Variants in ADGRL3 observed in about 807,000 individuals in gnomAD.
The protein encoded by ADGRL3 is adhesion G protein-coupled receptor L3.
Under a neutral mutation model 153.5 loss-of-function variants are expected in ADGRL3, and 62 were observed. That is an observed-to-expected ratio of 0.40 (90% CI 0.33 to 0.50). The LOEUF (loss-of-function observed/expected upper bound fraction) is 0.50. Ranked by LOEUF, ADGRL3 falls within the 20% of genes least tolerant of loss-of-function variation. ADGRL3 has a pLI of 0.47. For missense variants in ADGRL3, 1,641 were observed against 1,859.4 expected (o/e 0.88, Z 2.16); for synonymous variants, 710 against 672.5 (o/e 1.06, Z -0.86).
At chr4:61,945,781 G>A (rs1008902591) in intron 15 of ADGRL3, among the ~76,000 whole-genome samples, 11 of 151,692 alleles carry the variant, frequency 7.3e-5, no homozygotes, top group Non-Finnish European at 1.5e-4. Flanking sequence ...GCAATGCCTC[G>A]CCCTGCTTCG....
chr4:61,593,154 C>T (rs1318552715), intron 5 of ADGRL3, among the ~76,000 whole-genome samples: 1 of 152,172 alleles, frequency 6.6e-6, no homozygotes, highest in Admixed American at 6.5e-5. Flanking sequence ...TAACTTCATC[C>T]TCCCACTTTT....
intron 8 of ADGRL3, among the ~76,000 whole-genome samples, chr4:61,792,325 G>A (rs1375742556): frequency 1.3e-5 from 2 of 152,050 alleles, no homozygotes; most frequent in Non-Finnish European, 2.9e-5. Context: ...CTAAAACATA[G>A]CAAGAGTCAC....
intron 6 of ADGRL3, among the ~76,000 whole-genome samples, chr4:61,727,929 A>C (rs2151755047): frequency 6.6e-6 from 1 of 152,210 alleles, no homozygotes; most frequent in South Asian, 2.1e-4. Context: ...CTGAGTATTT[A>C]TTATGTGGTT....
At chr4:61,678,488 C>T (rs1350716000) in intron 6 of ADGRL3, among the ~76,000 whole-genome samples, 4 of 151,804 alleles carry the variant, frequency 2.6e-5, no homozygotes, top group Non-Finnish European at 5.9e-5. Flanking sequence ...AAATCCTCTG[C>T]CAAACTCATT....
chr4:61,598,890 A>T (rs940551965), intron 5 of ADGRL3, among the ~76,000 whole-genome samples: 9 of 152,278 alleles, frequency 5.9e-5, no homozygotes, highest in African/African-American at 1.9e-4. Context: ...ATTTTATTTT[A>T]CTGATGACAG....
At chr4:61,399,819 A>G (rs1487204154) in intron 2 of ADGRL3, among the ~76,000 whole-genome samples, 1 of 151,720 alleles carries the variant, frequency 6.6e-6, no homozygotes, top group Non-Finnish European at 1.5e-5. Flanking sequence ...GATTTTAGGA[A>G]TGAGAAGGAA....
chr4:61,658,958 T>C (rs1561015473), intron 5 of ADGRL3, among the ~76,000 whole-genome samples: 1 of 152,172 alleles, frequency 6.6e-6, no homozygotes, highest in Non-Finnish European at 1.5e-5. Context: ...CGGCTAGAAG[T>C]GCTAAGGTAT....
At chr4:61,747,702 G>T (rs368918011) in intron 8 of ADGRL3, among the ~76,000 whole-genome samples, 1 of 146,288 alleles carries the variant, frequency 6.8e-6, no homozygotes, top group Non-Finnish European at 1.5e-5. Context: ...TTGATGGGAC[G>T]TATCTCAAAA....
rs964080239 is a variant in ADGRL3 at position 61,230,034 on chromosome 4, G to A, written c.-240+28269G>A. Among the ~76,000 whole-genome samples the A allele has an allele frequency of 1.5e-4, 23 of 152,108 alleles. 1 individual carries two copies. Among genetic ancestry groups the A allele is most frequent in the Admixed American group, 1.3e-3 (20 of 15,260 alleles). ...TTTGTAACCATAAGTACTCAAAAAT[G>A]TCTTAAAGCTGGAATACCATGTATC... is the stretch of plus-strand genomic sequence containing the variant. On this transcript the variant is annotated intron_variant, in intron 1 of 26. Coordinates refer to ENST00000683033, the MANE Select transcript of ADGRL3 (RefSeq NM_001387552.1).
At chr4:61,931,732 G>A (rs550229128) in intron 13 of ADGRL3, among the ~76,000 whole-genome samples, 1 of 152,278 alleles carries the variant, frequency 6.6e-6, no homozygotes, top group East Asian at 1.9e-4. Context: ...CACATTTTGA[G>A]TGTGTTGCTT....
chr4:61,230,709 C>G (rs1461132258), intron 1 of ADGRL3, among the ~76,000 whole-genome samples: 2 of 152,070 alleles, frequency 1.3e-5, no homozygotes, highest in Non-Finnish European at 2.9e-5. Context: ...ACAAAAAATA[C>G]AAATTACTGT....
chr4:61,501,383 G>A (rs1451606563), intron 3 of ADGRL3, among the ~76,000 whole-genome samples: 1 of 152,056 alleles, frequency 6.6e-6, no homozygotes, highest in African/African-American at 2.4e-5. Flanking sequence ...TGGTGCTTTG[G>A]CATTTGATAA....
At chr4:61,796,076 C>A (rs1249645049) in intron 8 of ADGRL3, among the ~76,000 whole-genome samples, 1 of 152,128 alleles carries the variant, frequency 6.6e-6, no homozygotes, top group African/African-American at 2.4e-5. Flanking sequence ...CTCCTGACTT[C>A]CTGATTCACC....
At chr4:61,223,721 T>G (rs1406660371) in intron 1 of ADGRL3, among the ~76,000 whole-genome samples, 3 of 152,238 alleles carry the variant, frequency 2.0e-5, no homozygotes, top group Non-Finnish European at 4.4e-5. Context: ...CTTGTCATTC[T>G]TACATTGGCC....
intron 1 of ADGRL3, among the ~76,000 whole-genome samples, chr4:61,257,589 T>G (rs933523858): frequency 6.6e-6 from 1 of 152,158 alleles, no homozygotes; most frequent in Non-Finnish European, 1.5e-5. Flanking sequence ...AGGAAGACAT[T>G]AAATGTATTT....
intron 4 of ADGRL3, among the ~76,000 whole-genome samples, chr4:61,534,658 T>A (rs1467153585): frequency 6.6e-6 from 1 of 152,148 alleles, no homozygotes; most frequent in East Asian, 1.9e-4. Flanking sequence ...TTAAATTCCT[T>A]CATTAAATGT....
At chr4:61,872,232 A>G (rs2098449833) in intron 9 of ADGRL3, among the ~76,000 whole-genome samples, 1 of 152,180 alleles carries the variant, frequency 6.6e-6, no homozygotes, top group Admixed American at 6.5e-5. Flanking sequence ...AAGTCAGTAA[A>G]GGAAGGGAAA....
chr4:61,244,178 G>A (rs1008240336), intron 1 of ADGRL3, among the ~76,000 whole-genome samples: 1 of 151,964 alleles, frequency 6.6e-6, no homozygotes, highest in African/African-American at 2.4e-5. Context: ...GATTTATGCA[G>A]TAGTAAATAT....
At chr4:61,433,709 C>T (rs895398016) in intron 2 of ADGRL3, among the ~76,000 whole-genome samples, 1 of 152,108 alleles carries the variant, frequency 6.6e-6, no homozygotes, top group African/African-American at 2.4e-5. Context: ...CAAATTTATA[C>T]GTGTGTTGAG....
Sources: gnomAD v4.1 joint callset for allele counts (sites outside exome capture counted in the v4.1 genomes callset) on GRCh38, gnomAD v4.1.1 for gene constraint, MANE v1.5 for transcripts, NCBI Gene and HGNC (gene_info 2026-07-23, HGNC 2026-07-21) for gene names.